ADAMTSL1: variants seen among roughly 807,000 people sequenced by gnomAD.
ADAMTSL1 encodes the protein ADAMTS like 1.
ADAMTSL1 carries 126 observed loss-of-function variants against 201.8 expected under a neutral mutation model. The observed-to-expected ratio is 0.62, with a 90% CI of 0.54 to 0.72. The LOEUF is 0.72. Among genes scored for constraint, ADAMTSL1 ranks in the 30% least tolerant of loss-of-function variants. The pLI, the probability that ADAMTSL1 is intolerant of heterozygous loss-of-function variation, is 0.00. For synonymous variants in ADAMTSL1, 1,121 were observed against 903.4 expected, an observed-to-expected ratio of 1.24 and a Z score of -4.32; for missense variants, 2,679 against 2,277.8, an observed-to-expected ratio of 1.18 and a Z score of -3.59.
intron 23 of ADAMTSL1, among the ~76,000 whole-genome samples, chr9:18,840,462 G>C (rs1401906809): frequency 3.3e-5 from 5 of 152,180 alleles, no homozygotes; most frequent in Non-Finnish European, 2.9e-5. Context: ...TTTGAAGTCA[G>C]GTAGTGTGAT....
intron 10 of ADAMTSL1, among the ~76,000 whole-genome samples, chr9:18,677,565 A>T (rs1830199018): frequency 6.6e-6 from 1 of 152,042 alleles, no homozygotes; most frequent in Admixed American, 6.6e-5. Context: ...CGTCAAGTTT[A>T]TGTTTTTCCT....
chr9:18,044,506 T>G (rs764665050), intron 1 of ADAMTSL1, among the ~76,000 whole-genome samples: 6 of 152,112 alleles, frequency 3.9e-5, no homozygotes, highest in Admixed American at 6.6e-5. Context: ...TAGGGACTTG[T>G]AGGCGGAGGG....
chr9:18,828,706 T>G (rs1824779495), intron 22 of ADAMTSL1, among the ~76,000 whole-genome samples: 1 of 86,156 alleles, frequency 1.2e-5, no homozygotes, highest in Admixed American at 1.1e-4. Flanking sequence ...AATGTGTGTG[T>G]GTGTATATAT....
rs149512823 is a variant in ADAMTSL1 at position 18,700,502 on chromosome 9, C to T, written c.1575-6245C>T. On this transcript the variant is annotated intron_variant, in intron 13 of 28. Transcript: ENST00000380548. The stretch of plus-strand genomic sequence containing the variant: ...TTTATCCAAAAGCCTCTTCAGATGC[C>T]AAAATGTGCAGCTTAGGTTTAGTTA... 5.8e-3 allele frequency among the ~76,000 whole-genome samples: 877 copies of T among 152,152 alleles called. 6 individuals are homozygous for T. Among genetic ancestry groups the T allele is most frequent in the Non-Finnish European group, 8.6e-3 (585 of 67,998 alleles).
chr9:18,303,564 A>C (rs1291805940), intron 2 of ADAMTSL1, among the ~76,000 whole-genome samples: 4 of 152,154 alleles, frequency 2.6e-5, no homozygotes, highest in Non-Finnish European at 5.9e-5. Flanking sequence ...AGTGGGTTTC[A>C]TGTTTAAGCA....
At position 18,551,864 on chromosome 9, in the gene ADAMTSL1, G is replaced by A. The variant is rs543047269; in HGVS notation, c.237+18572G>A. ...TGTTTTCTCTCACTTGTCTAAGACT[G>A]TTTTCAAGTATGATGCCTTAAAGTA... On this transcript the variant is annotated intron_variant, in intron 3 of 28. Coordinates refer to ENST00000380548, the MANE Select transcript of ADAMTSL1 (RefSeq NM_001040272.6). 3.3e-5 allele frequency among the ~76,000 whole-genome samples: 5 copies of A among 151,870 alleles called. No homozygotes were observed. In the South Asian group the frequency reaches 1.0e-3, roughly 32 times the overall value.
At chr9:18,871,449 G>A (rs1827865802) in intron 23 of ADAMTSL1, among the ~76,000 whole-genome samples, 1 of 152,014 alleles carries the variant, frequency 6.6e-6, no homozygotes, top group African/African-American at 2.4e-5. Flanking sequence ...TTCTTCCAGT[G>A]TTTCGTCCTG....
intron 2 of ADAMTSL1, among the ~76,000 whole-genome samples, chr9:18,176,025 A>G (rs1828136703): frequency 6.6e-6 from 1 of 151,556 alleles, no homozygotes; most frequent in South Asian, 2.1e-4. Flanking sequence ...AAAAAAAAAA[A>G]AAAAAAAAGG....
At chr9:18,167,840 G>C (rs930502665) in intron 2 of ADAMTSL1, among the ~76,000 whole-genome samples, 1 of 151,642 alleles carries the variant, frequency 6.6e-6, no homozygotes, top group African/African-American at 2.4e-5. Flanking sequence ...AGAATATTTA[G>C]TGGACATAAA....
At chr9:18,318,150 A>C (rs1341362137) in intron 2 of ADAMTSL1, among the ~76,000 whole-genome samples, 2 of 152,182 alleles carry the variant, frequency 1.3e-5, no homozygotes, top group African/African-American at 2.4e-5. Context: ...TGATTTAGTA[A>C]ATGTGGGCTA....
chr9:17,932,329 G>T (rs111616087), intron 1 of ADAMTSL1, among the ~76,000 whole-genome samples: 1 of 152,138 alleles, frequency 6.6e-6, no homozygotes, highest in African/African-American at 2.4e-5. Context: ...AGAGGGTCCC[G>T]GGTATGGAGC....
intron 2 of ADAMTSL1, among the ~76,000 whole-genome samples, chr9:18,335,152 T>C (rs1304407111): frequency 6.6e-6 from 1 of 152,164 alleles, no homozygotes; most frequent in Non-Finnish European, 1.5e-5. Context: ...GATATGTCCT[T>C]CTTTCCAAGG....
intron 4 of ADAMTSL1, among the ~76,000 whole-genome samples, chr9:18,609,002 A>G (rs1825206157): frequency 6.6e-6 from 1 of 152,276 alleles, no homozygotes; most frequent in South Asian, 2.1e-4. Context: ...ATTACATTCA[A>G]CTGGCATATT....
intron 1 of ADAMTSL1, among the ~76,000 whole-genome samples, chr9:17,913,197 A>G (rs572256711): frequency 1.3e-5 from 2 of 152,196 alleles, no homozygotes; most frequent in South Asian, 4.1e-4. Context: ...TTGGTTCCAT[A>G]TGAACTTTAA....
chr9:18,454,197 G>A (rs1820518925), intron 2 of ADAMTSL1, among the ~76,000 whole-genome samples: 1 of 152,196 alleles, frequency 6.6e-6, no homozygotes, highest in Admixed American at 6.5e-5. Context: ...AAGGCCAAAG[G>A]CCTGAGAATC....
intron 26 of ADAMTSL1, among the ~76,000 whole-genome samples, chr9:18,900,097 AC>A (rs1477177279): frequency 6.6e-6 from 1 of 152,174 alleles, no homozygotes; most frequent in Admixed American, 6.5e-5. Context: ...CAAGAAAATA[AC>A]TCCATTAAAA....
chr9:18,540,536 A>T (rs1297684327), intron 3 of ADAMTSL1, among the ~76,000 whole-genome samples: 1 of 152,146 alleles, frequency 6.6e-6, no homozygotes, highest in African/African-American at 2.4e-5. Context: ...GGGTCATTTT[A>T]TCAGGTGCAG....
intron 14 of ADAMTSL1, among the ~76,000 whole-genome samples, chr9:18,716,608 G>A (rs1454798328): frequency 7.2e-6 from 1 of 138,622 alleles, no homozygotes; most frequent in Non-Finnish European, 1.6e-5. Context: ...GAGAGGATGT[G>A]GAGAAATAGA....
intron 1 of ADAMTSL1, among the ~76,000 whole-genome samples, chr9:18,048,764 C>T (rs768852547): frequency 3.3e-5 from 5 of 152,134 alleles, no homozygotes; most frequent in Non-Finnish European, 7.3e-5. Context: ...TAATATCTTC[C>T]ATCTTGCACA....
Sources: gnomAD v4.1 joint callset for allele counts (sites outside exome capture counted in the v4.1 genomes callset) on GRCh38, gnomAD v4.1.1 for gene constraint, MANE v1.5 for transcripts, NCBI Gene and HGNC (gene_info 2026-07-23, HGNC 2026-07-21) for gene names.